KIF26B: variants seen among roughly 807,000 people sequenced by gnomAD.
KIF26B encodes the protein kinesin-like protein KIF26B.
A neutral mutation model predicts 151.2 loss-of-function variants in KIF26B; 63 were observed. The ratio of observed to expected loss-of-function variants is 0.42; its 90% CI spans 0.34 to 0.51. The LOEUF (loss-of-function observed/expected upper bound fraction) is 0.51, where lower values mean the gene tolerates loss of function less well. Ranked by LOEUF, KIF26B falls within the 20% of genes least tolerant of loss-of-function variation. KIF26B has a pLI of 0.07. For missense variants in KIF26B, 2,813 were observed against 2,913.6 expected, an observed-to-expected ratio of 0.97 and a Z score of 0.79; for synonymous variants, 1,357 against 1,262.1, an observed-to-expected ratio of 1.08 and a Z score of -1.59.
intron 2 of KIF26B, among the ~76,000 whole-genome samples, chr1:245,266,768 G>A (rs975120056): frequency 4.6e-5 from 7 of 152,184 alleles, no homozygotes; most frequent in Non-Finnish European, 7.3e-5. Flanking sequence ...GCCTCCCAAA[G>A]TGCTGGGATT....
At chr1:245,689,160 G>A (rs1004986293) in intron 12 of KIF26B, among the ~76,000 whole-genome samples, 4 of 152,222 alleles carry the variant, frequency 2.6e-5, no homozygotes, top group Non-Finnish European at 5.9e-5. Context: ...CCGGATGCAG[G>A]TGGCAGCATG....
At position 245,602,368 on chromosome 1, in the gene KIF26B, A is replaced by G. The variant is rs1196168622; in HGVS notation, c.1351-209A>G. On this transcript the variant is annotated intron_variant, in intron 5 of 14. Transcript: ENST00000407071. The surrounding 1 kb of genome is among the most constrained non-coding windows in gnomAD (Gnocchi z 4.5). ...TCCATATTGAAGTAATGGGCATATC[A>G]AAATATTCTACCTGGTAATTATAAA... Among the ~76,000 whole-genome samples, 2 of 152,236 alleles carry G rather than the reference A, an allele frequency of 1.3e-5. No homozygotes were observed. The highest frequency in any genetic ancestry group is 2.9e-5 in the Non-Finnish European group (2 of 68,032).
chr1:245,438,039 T>C (rs1431704027), intron 4 of KIF26B, among the ~76,000 whole-genome samples: 1 of 152,178 alleles, frequency 6.6e-6, no homozygotes, highest in African/African-American at 2.4e-5. Context: ...TTAAAACAAA[T>C]CTAACAGCAT....
intron 2 of KIF26B, among the ~76,000 whole-genome samples, chr1:245,203,956 A>G (rs1201141843): frequency 6.6e-6 from 1 of 152,206 alleles, no homozygotes; most frequent in Non-Finnish European, 1.5e-5. Flanking sequence ...GCTATCAACC[A>G]AAGCTACTTG....
rs753164945 is a variant in KIF26B, at chr1:245,609,228, C to T, written c.1652-38C>T. On this transcript the variant is annotated intron_variant, in intron 7 of 14. Transcript: ENST00000407071. Reference sequence around the variant, plus strand: ...GAGACTCCGTGGAATGATGCCTGGACACTGAACCTGCTTTTCTTCCTTCCC... The same window carrying T: ...GAGACTCCGTGGAATGATGCCTGGATACTGAACCTGCTTTTCTTCCTTCCC... The T allele has an allele frequency of 7.7e-6, 12 of 1,555,256 alleles. No individual in the cohort carries two copies. The African/African-American group carries it at 1.5e-4, about 19-fold the overall frequency.
rs1028124335 is a variant in KIF26B, at chr1:245,698,757, G to A, written c.6028-130G>A. The A allele has an allele frequency of 9.0e-7, 1 of 1,113,956 alleles. No homozygotes were observed. Among genetic ancestry groups the A allele is most frequent in the South Asian group, 1.6e-5 (1 of 62,750 alleles). The allele number at this position is 1,113,956 out of a possible 1,614,324, so 69.0% of individuals were successfully genotyped here. ...GGTCTGTCAAGGGAGAATTTGGTGG[G>A]GATGACCCATGTCCCTCCCACACGT... On this transcript the variant is annotated intron_variant, in intron 13 of 14. Transcript: ENST00000407071. This position sits in a 1 kb window ranked among gnomAD's most constrained non-coding sequence, Gnocchi z 4.0.
intron 3 of KIF26B, among the ~76,000 whole-genome samples, chr1:245,408,859 G>A (rs1039535868): frequency 3.4e-4 from 51 of 152,082 alleles, no homozygotes; most frequent in African/African-American, 1.1e-3. Flanking sequence ...GCTCTTACTC[G>A]ATCGCAGTTG....
intron 5 of KIF26B, among the ~76,000 whole-genome samples, chr1:245,579,790 G>A (rs2103128629): frequency 6.6e-6 from 1 of 152,176 alleles, no homozygotes; most frequent in East Asian, 1.9e-4. Flanking sequence ...GGAGGTTGCG[G>A]TGAGCCGAGA....
At chr1:245,653,905 A>T (rs10924284) in intron 10 of KIF26B, among the ~76,000 whole-genome samples, 1 of 149,322 alleles carries the variant, frequency 6.7e-6, no homozygotes, top group Non-Finnish European at 1.5e-5. Flanking sequence ...ACAAAAAAAA[A>T]TTAAAACACT....
chr1:245,492,560 A>C (rs1415781041), intron 4 of KIF26B, among the ~76,000 whole-genome samples: 3 of 152,258 alleles, frequency 2.0e-5, no homozygotes, highest in Non-Finnish European at 2.9e-5. Flanking sequence ...AAGAAAAACA[A>C]AGGCGGCACG....
At chr1:245,302,164 A>G (rs543258236) in intron 2 of KIF26B, among the ~76,000 whole-genome samples, 54 of 152,364 alleles carry the variant, frequency 3.5e-4, no homozygotes, top group African/African-American at 1.2e-3. Flanking sequence ...ATTTCTAATG[A>G]ATGTGACATC....
intron 4 of KIF26B, among the ~76,000 whole-genome samples, chr1:245,518,922 G>A (rs374355046): frequency 2.0e-4 from 30 of 152,288 alleles, no homozygotes; most frequent in African/African-American, 6.7e-4. Flanking sequence ...CTCACTCCCG[G>A]ATCCCTTTGT....
chr1:245,542,648 G>A (rs547205165), intron 5 of KIF26B, among the ~76,000 whole-genome samples: 32 of 152,386 alleles, frequency 2.1e-4, no homozygotes, highest in East Asian at 7.7e-4. Context: ...AGGGGCACAC[G>A]GGTGTGATCG....
intron 2 of KIF26B, among the ~76,000 whole-genome samples, chr1:245,182,070 G>A (rs997112769): frequency 6.6e-6 from 1 of 152,074 alleles, no homozygotes; most frequent in Non-Finnish European, 1.5e-5. Context: ...TATAAAAAAT[G>A]GCTTTATTGA....
intron 2 of KIF26B, among the ~76,000 whole-genome samples, chr1:245,312,953 A>T (rs1671691192): frequency 6.6e-6 from 1 of 152,028 alleles, no homozygotes; most frequent in African/African-American, 2.4e-5. Context: ...CGAGGTCAAG[A>T]GATCGAGACC....
chr1:245,224,798 G>A (rs114200161), intron 2 of KIF26B, among the ~76,000 whole-genome samples: 89 of 152,276 alleles, frequency 5.8e-4, no homozygotes, highest in African/African-American at 2.0e-3. Context: ...CAACTGTGGC[G>A]TAGACCAATG....
intron 2 of KIF26B, among the ~76,000 whole-genome samples, chr1:245,265,725 A>T (rs1189298993): frequency 6.6e-6 from 1 of 151,780 alleles, no homozygotes; most frequent in Non-Finnish European, 1.5e-5. Flanking sequence ...CTCAGCTAGG[A>T]CTGAGACTAG....
chr1:245,393,520 T>C (rs1211643402), intron 3 of KIF26B, among the ~76,000 whole-genome samples: 1 of 152,232 alleles, frequency 6.6e-6, no homozygotes, highest in Non-Finnish European at 1.5e-5. Flanking sequence ...TATTTGGTGA[T>C]CCTTGGCTGA....
intron 2 of KIF26B, among the ~76,000 whole-genome samples, chr1:245,161,480 A>G (rs1347476707): frequency 3.3e-5 from 5 of 152,252 alleles, no homozygotes; most frequent in African/African-American, 1.2e-4. Context: ...GATTAAGTCA[A>G]TTAAAATGGA....
Sources: allele counts gnomAD v4.1 joint callset (sites outside exome capture counted in the v4.1 genomes callset), GRCh38; gene constraint gnomAD v4.1.1; non-coding constraint Gnocchi (gnomAD v3.1); transcripts MANE v1.5; gene names NCBI Gene and HGNC (gene_info 2026-07-23, HGNC 2026-07-21).